CA10: variants seen among roughly 807,000 people sequenced by gnomAD.
CA10 encodes the protein carbonic anhydrase-related protein 10.
A neutral mutation model predicts 44.2 loss-of-function variants in CA10; 14 were observed. That is an observed-to-expected ratio of 0.32 (90% confidence interval 0.21 to 0.50). CA10 has a LOEUF of 0.50. Ranked by LOEUF, CA10 falls within the 20% of genes least tolerant of loss-of-function variation. The probability of loss-of-function intolerance (pLI) is 0.99; values close to 1 mark genes in which losing one functional copy is unlikely to be tolerated. For missense variants in CA10, 350 were observed against 409.7 expected (o/e 0.85, Z 1.26); for synonymous variants, 159 against 141.6 (o/e 1.12, Z -0.87).
intron 1 of CA10, among the ~76,000 whole-genome samples, chr17:52,085,620 T>C (rs1219590707): frequency 6.6e-6 from 1 of 152,216 alleles, no homozygotes. Flanking sequence ...TCCTATCTCC[T>C]TTGGGCATCT....
intron 2 of CA10, among the ~76,000 whole-genome samples, chr17:52,043,106 G>A (rs1404165514): frequency 2.6e-5 from 4 of 152,064 alleles, no homozygotes; most frequent in South Asian, 4.2e-4. Context: ...TGAAATCTAG[G>A]ATTGTCTTTC....
At chr17:52,146,090 C>T (rs1989576615) in intron 1 of CA10, among the ~76,000 whole-genome samples, 1 of 152,080 alleles carries the variant, frequency 6.6e-6, no homozygotes, top group Non-Finnish European at 1.5e-5. Flanking sequence ...GCTAATTGTT[C>T]GCAAACCATT....
chr17:51,922,386 CT>C (rs1982267178), intron 3 of CA10, among the ~76,000 whole-genome samples: 1 of 152,174 alleles, frequency 6.6e-6, no homozygotes, highest in Non-Finnish European at 1.5e-5. Flanking sequence ...GCCATGTATT[CT>C]CTCCCAAATG....
chr17:51,704,701 C>T (rs141701413), intron 4 of CA10, among the ~76,000 whole-genome samples: 2,439 of 152,276 alleles, frequency 0.016, 29 homozygotes, highest in Middle Eastern at 0.034. Context: ...TGATGGCTCA[C>T]GCCTGTAATC....
At chr17:51,699,166 C>T (rs999044338) in intron 4 of CA10, among the ~76,000 whole-genome samples, 2 of 151,698 alleles carry the variant, frequency 1.3e-5, no homozygotes, top group Non-Finnish European at 2.9e-5. Context: ...ACTAAAAATA[C>T]AAAAAAATTA....
intron 3 of CA10, among the ~76,000 whole-genome samples, chr17:51,861,887 A>G (rs1293633248): frequency 1.3e-5 from 2 of 152,194 alleles, no homozygotes; most frequent in Non-Finnish European, 2.9e-5. Context: ...TATATCTGAA[A>G]AGAACTCCAG....
chr17:52,157,626 A>G (rs1598245745), intron 1 of CA10, 100 bp downstream of exon 1: 1 of 1,037,040 alleles, frequency 9.6e-7, no homozygotes, highest in South Asian at 1.3e-5. Context: ...GGGTCTCGCC[A>G]CCCCTCTCTC....
intron 1 of CA10, among the ~76,000 whole-genome samples, chr17:52,075,146 A>G (rs558028509): frequency 1.3e-5 from 2 of 152,302 alleles, no homozygotes; most frequent in East Asian, 1.9e-4. Flanking sequence ...AAAACAATCA[A>G]TATAATCAAT....
chr17:51,984,789 CA>C (rs1445844928), intron 2 of CA10, among the ~76,000 whole-genome samples: 2 of 151,908 alleles, frequency 1.3e-5, no homozygotes, highest in East Asian at 3.9e-4. Flanking sequence ...TGGAAAAATA[CA>C]ACCTTTCCTG....
intron 1 of CA10, among the ~76,000 whole-genome samples, chr17:52,152,958 T>C (rs1989733754): frequency 6.6e-6 from 1 of 152,070 alleles, no homozygotes; most frequent in Non-Finnish European, 1.5e-5. Context: ...GTCTTCTGAT[T>C]TCCATACTCT....
At chr17:51,882,468 G>A (rs1980419630) in intron 3 of CA10, among the ~76,000 whole-genome samples, 1 of 152,176 alleles carries the variant, frequency 6.6e-6, no homozygotes, top group South Asian at 2.1e-4. Context: ...GGGTGTTGGG[G>A]GAGGATGGCA....
intron 3 of CA10, among the ~76,000 whole-genome samples, chr17:51,887,330 C>G (rs1314649970): frequency 6.6e-6 from 1 of 152,174 alleles, no homozygotes; most frequent in Non-Finnish European, 1.5e-5. Flanking sequence ...GCCCACAAGG[C>G]TGAAACACAG....
At chr17:51,918,183 A>T (rs1982080059) in intron 3 of CA10, among the ~76,000 whole-genome samples, 1 of 152,234 alleles carries the variant, frequency 6.6e-6, no homozygotes, top group Admixed American at 6.5e-5. Flanking sequence ...TTAAATAGCA[A>T]CATACTAAGT....
chr17:51,867,534 G>A (rs992392074), intron 3 of CA10, among the ~76,000 whole-genome samples: 3 of 152,158 alleles, frequency 2.0e-5, no homozygotes, highest in Admixed American at 1.3e-4. Context: ...TATTCTCTAG[G>A]TGGTTGTGAG....
intron 3 of CA10, among the ~76,000 whole-genome samples, chr17:51,790,606 G>T (rs1173344286): frequency 6.6e-6 from 1 of 152,126 alleles, no homozygotes; most frequent in Non-Finnish European, 1.5e-5. Flanking sequence ...GTACCTTGAG[G>T]GCAGAGATTC....
intron 4 of CA10, among the ~76,000 whole-genome samples, chr17:51,735,131 C>T (rs1916856780): frequency 6.6e-6 from 1 of 152,144 alleles, no homozygotes; most frequent in Non-Finnish European, 1.5e-5. Flanking sequence ...TGCATGGGTG[C>T]TACTCTGGAT....
chr17:51,905,100 A>G (rs992460360), intron 3 of CA10, among the ~76,000 whole-genome samples: 1 of 152,188 alleles, frequency 6.6e-6, no homozygotes, highest in African/African-American at 2.4e-5. Context: ...TAAATTCTCT[A>G]TATTCTCTTC....
At chr17:51,754,908 G>T (rs537378665) in intron 3 of CA10, among the ~76,000 whole-genome samples, 4 of 151,752 alleles carry the variant, frequency 2.6e-5, no homozygotes, top group Non-Finnish European at 4.4e-5. Flanking sequence ...ACAAATATGC[G>T]TGTGTGTATA....
chr17:51,953,189 A>G (rs946127401), intron 2 of CA10, among the ~76,000 whole-genome samples: 2 of 152,184 alleles, frequency 1.3e-5, no homozygotes, highest in Non-Finnish European at 1.5e-5. Context: ...TTGCTCCATC[A>G]GGAGTTTATC....
Sources: allele counts gnomAD v4.1 joint callset (sites outside exome capture counted in the v4.1 genomes callset), GRCh38; gene constraint gnomAD v4.1.1; transcripts MANE v1.5; gene names NCBI Gene and HGNC (gene_info 2026-07-23, HGNC 2026-07-21).